RS1: variants seen among roughly 807,000 people sequenced by gnomAD.
The protein encoded by RS1 is retinoschisin 1.
In RS1, 2 loss-of-function variants were observed where a neutral mutation model predicts 20.8. The ratio of observed to expected loss-of-function variants is 0.10; its 90% CI spans 0.04 to 0.30. The LOEUF is 0.30. Among genes scored for constraint, RS1 ranks in the 10% least tolerant of loss-of-function variants. The pLI, the probability that RS1 is intolerant of heterozygous loss-of-function variation, is 1.00. For missense variants in RS1, 151 were observed against 189.8 expected (o/e 0.80, Z 1.20); for synonymous variants, 70 against 75.8 (o/e 0.92, Z 0.40).
rs779660363 is a variant in RS1 at position 18,644,580 on chromosome X, C to A, written c.372G>T (p.Gln124His). The A allele has an allele frequency of 5.0e-6, 6 of 1,209,926 alleles. No homozygotes were observed. The highest frequency in any genetic ancestry group is 3.0e-5 in the East Asian group (1 of 33,748). ...TCACTTTGATCTCCTTCAGATCTAT[C>A]TGTAACCACTGGCTACTGTCCTGGA... ...SKFQDSSQWL[Q>H]IDLKEIKVIS... Residue 124 changes from glutamine to histidine, a missense_variant, in exon 5 of 6, where the codon CAG becomes CAT. Gln to His is a conservative substitution (Grantham distance 24, BLOSUM62 0). Coordinates refer to ENST00000379984, the MANE Select transcript of RS1 (RefSeq NM_000330.4).
chrX:18,669,686 C>T (rs1928462041), intron 1 of RS1, among the ~76,000 whole-genome samples: 1 of 110,900 alleles, frequency 9.0e-6, no homozygotes, highest in Non-Finnish European at 1.9e-5. Context: ...CCCAGCTGTA[C>T]AATGGGATGC....
At chrX:18,645,481 C>G (rs6653638) in intron 4 of RS1, among the ~76,000 whole-genome samples, 2,230 of 110,117 alleles carry the variant, frequency 0.02, 56 homozygotes, top group African/African-American at 0.07. Flanking sequence ...GAGTTAACCC[C>G]ATCCTTGCAT....
At chrX:18,661,468 T>C (rs1022463575) in intron 1 of RS1, among the ~76,000 whole-genome samples, 1 of 111,849 alleles carries the variant, frequency 8.9e-6, no homozygotes, top group African/African-American at 3.3e-5. Flanking sequence ...GTAGGCGGCT[T>C]GTGTTAGTCA....
Position 18,644,491 on chromosome X carries a change from T to C in RS1, c.461A>G (p.Gln154Arg), listed in dbSNP as rs2147191205. 1 of 1,211,564 alleles carries C rather than the reference T, an allele frequency of 8.3e-7. No individual in the cohort carries two copies. The highest frequency in any genetic ancestry group is 1.1e-6 in the Non-Finnish European group (1 of 895,157). The change falls in exon 5 of 6, where the codon CAG (glutamine) becomes CGG (arginine). Residue 154 changes from glutamine (Q) to arginine (R), a missense_variant. Physicochemically the swap from Gln to Arg is conservative, Grantham distance 43. Coordinates refer to ENST00000379984, the MANE Select transcript of RS1 (RefSeq NM_000330.4). ...IDEWMTKYSV[Q>R]YRTDERLNWI... Reference sequence around the variant, plus strand: ...GTTCAGGCGCTCATCGGTCCTGTACTGCACGCTGTACTTGGTCATCCACTC... The same window carrying C: ...GTTCAGGCGCTCATCGGTCCTGTACCGCACGCTGTACTTGGTCATCCACTC...
At chrX:18,645,817 T>C (rs1240290151) in intron 4 of RS1, among the ~76,000 whole-genome samples, 1 of 111,147 alleles carries the variant, frequency 9.0e-6, no homozygotes, top group African/African-American at 3.3e-5. Flanking sequence ...ATAGAACCCC[T>C]GAGTTTCATC....
At chrX:18,653,681 A>C in intron 3 of RS1, 2 of 903,137 alleles carry the variant, frequency 2.2e-6, no homozygotes, top group Non-Finnish European at 3.1e-6. Flanking sequence ...TAAGATCAAA[A>C]ACCAGGGCCA....
At chrX:18,649,117 A>AT (rs1297733854) in intron 3 of RS1, among the ~76,000 whole-genome samples, 5 of 110,172 alleles carry the variant, frequency 4.5e-5, no homozygotes, top group East Asian at 2.8e-4. Context: ...CCTACCCCTA[A>AT]TTTTTTTTAC....
chrX:18,667,460 G>A (rs1050535278), intron 1 of RS1, among the ~76,000 whole-genome samples: 4 of 107,960 alleles, frequency 3.7e-5, no homozygotes, highest in Non-Finnish European at 7.7e-5. Context: ...GAGGAGAATC[G>A]ATTGAACCCA....
chrX:18,671,898 T>C, intron 1 of RS1, 119 bp downstream of exon 1: 3 of 654,973 alleles, frequency 4.6e-6, no homozygotes, highest in Non-Finnish European at 4.9e-6. Flanking sequence ...TGTTAGTTAA[T>C]TAACGTGTTG....
rs867671726 is a variant in RS1, at chrX:18,669,320, G to A, written c.52+2697C>T. Among the ~76,000 whole-genome samples, 7 of 108,256 alleles carry A rather than the reference G, an allele frequency of 6.5e-5. No homozygotes were observed. In the South Asian group the frequency reaches 2.0e-3, roughly 32 times the overall value. 94.0% of individuals were successfully genotyped at this position (108,256 alleles called of 115,157 possible). A position where few individuals can be genotyped will look rare whatever the true frequency, so the allele number is the denominator to read the frequency against. Reference sequence around the variant, plus strand: ...AGCCTGGCCAACATGGAGAAACCCCGTCTCTACTAAAATTACAAAAATGAT... The same window carrying A: ...AGCCTGGCCAACATGGAGAAACCCCATCTCTACTAAAATTACAAAAATGAT... On this transcript the variant is annotated intron_variant, in intron 1 of 5. Coordinates refer to ENST00000379984, the MANE Select transcript of RS1 (RefSeq NM_000330.4).
In RS1 at chrX:18,645,931, CCAATA is replaced by C. The variant is rs998199058; in HGVS notation, c.326+1255_326+1259del. The C allele has an allele frequency of 3.3e-6, 4 of 1,200,773 alleles. No homozygotes were observed. In the African/African-American group the frequency reaches 7.1e-5, roughly 21 times the overall value. On this transcript the variant is annotated intron_variant, in intron 4 of 5. Transcript: ENST00000379984. ...GTCAATGGGATGTGGGCAGAAGTGG[CCAATA>C]GAATATGTTTGTGTTCTTAAAGGCA...
At position 18,649,769 on chromosome X, in the gene RS1, C is replaced by T. The variant is rs754521296; in HGVS notation, c.185-2437G>A. On this transcript the variant is annotated intron_variant, in intron 3 of 5. Coordinates refer to ENST00000379984, the MANE Select transcript of RS1 (RefSeq NM_000330.4). ...CATTCTTTCTGTGGGCTGGGGATCC[C>T]GAGGACTGAGTGCCTGCGGACTCGA... 5.3e-5 allele frequency among the ~76,000 whole-genome samples: 6 copies of T among 112,233 alleles called. No individual in the cohort carries two copies. The East Asian group carries it at 1.4e-3, about 26-fold the overall frequency.
intron 3 of RS1, among the ~76,000 whole-genome samples, chrX:18,650,971 C>A (rs772710166): frequency 3.6e-5 from 4 of 112,143 alleles, no homozygotes; most frequent in Non-Finnish European, 7.5e-5. Flanking sequence ...TGCCAAAAAG[C>A]AGCAGGTGCA....
In RS1 at chrX:18,670,223, C is replaced by CTTT. The variant is rs34539361; in HGVS notation, c.52+1791_52+1793dup. Reference sequence around the variant, plus strand: ...ACAAGGATGCCCTGCATGTCAAGTCCTTTTTTTTTTTTTTTTTTTTGAGAC... The same window carrying CTTT: ...ACAAGGATGCCCTGCATGTCAAGTCCTTTTTTTTTTTTTTTTTTTTTTTGAGAC... On this transcript the variant is annotated intron_variant, in intron 1 of 5. Transcript: ENST00000379984. Among the ~76,000 whole-genome samples the CTTT allele has an allele frequency of 1.4e-3, 110 of 78,576 alleles. 1 individual carries two copies. Among genetic ancestry groups the CTTT allele is most frequent in the Non-Finnish European group, 2.2e-3 (92 of 41,772 alleles). 68.2% of individuals were successfully genotyped at this position (78,576 alleles called of 115,157 possible).
intron 1 of RS1, among the ~76,000 whole-genome samples, chrX:18,665,196 T>C (rs1473891984): frequency 1.8e-5 from 2 of 111,860 alleles, no homozygotes. Context: ...CCAGGTACTC[T>C]ACCTGCTAAA....
At chrX:18,656,484 A>T (rs1222909247) in intron 3 of RS1, among the ~76,000 whole-genome samples, 169 bp downstream of exon 3, 1 of 111,949 alleles carries the variant, frequency 8.9e-6, no homozygotes, top group African/African-American at 3.2e-5. Flanking sequence ...CCGCATTAAC[A>T]TAGGCTTACT....
intron 3 of RS1, among the ~76,000 whole-genome samples, chrX:18,648,019 C>T (rs1023972062): frequency 1.1e-4 from 12 of 111,325 alleles, no homozygotes; most frequent in Non-Finnish European, 1.9e-4. Flanking sequence ...CCCTTCCTCT[C>T]GTCTGTATGT....
At chrX:18,652,204 C>T (rs973968685) in intron 3 of RS1, among the ~76,000 whole-genome samples, 29 of 111,544 alleles carry the variant, frequency 2.6e-4, no homozygotes, top group African/African-American at 8.8e-4. Context: ...CACACACCAT[C>T]GCCCCATCTT....
rs992358449 is a variant in RS1, at chrX:18,641,610, CTG to C, written c.*392_*393del. ...GCATTCAAAGCCAGGCTTTAGGAAA[CTG>C]TATGTTTCTGTCTTGAATGTGGTAA... On this transcript the variant is annotated 3_prime_UTR_variant, in exon 6 of 6. Coordinates refer to ENST00000379984, the MANE Select transcript of RS1 (RefSeq NM_000330.4). The C allele has an allele frequency of 4.7e-5, 8 of 168,854 alleles. No individual in the cohort carries two copies. Among genetic ancestry groups the C allele is most frequent in the South Asian group, 1.1e-4 (1 of 8,710 alleles). 13.9% of individuals were successfully genotyped at this position (168,854 alleles called of 1,213,427 possible).
Sources: allele counts gnomAD v4.1 joint callset (sites outside exome capture counted in the v4.1 genomes callset), GRCh38; gene constraint gnomAD v4.1.1; transcripts MANE v1.5; gene names NCBI Gene and HGNC (gene_info 2026-07-23, HGNC 2026-07-21).